DOCK8: variants seen among roughly 807,000 people sequenced by gnomAD.
The protein encoded by DOCK8 is dedicator of cytokinesis protein 8.
DOCK8 carries 141 observed loss-of-function variants against 245.6 expected under a neutral mutation model. That is an observed-to-expected ratio of 0.57 (90% CI 0.50 to 0.66). DOCK8 has a LOEUF of 0.66. Ranked by LOEUF, DOCK8 falls within the 30% of genes least tolerant of loss-of-function variation. The pLI is 0.00. For synonymous variants in DOCK8, 1,168 were observed against 970.2 expected (o/e 1.20, Z -3.79); for missense variants, 2,965 against 2,603.4 (o/e 1.14, Z -3.02).
intron 7 of DOCK8, among the ~76,000 whole-genome samples, chr9:322,787 C>G (rs2050574838): frequency 6.6e-6 from 1 of 152,144 alleles, no homozygotes; most frequent in African/African-American, 2.4e-5. Context: ...GCTGGTGAGC[C>G]TAGGCCCAGG....
chr9:246,902 C>T (rs1048453737), intron 1 of DOCK8, among the ~76,000 whole-genome samples: 1 of 152,126 alleles, frequency 6.6e-6, no homozygotes, highest in African/African-American at 2.4e-5. Context: ...AGGCACACAC[C>T]ACTGTGCCTG....
At chr9:216,080 A>AG (rs1301212778) in intron 1 of DOCK8, among the ~76,000 whole-genome samples, 37 of 152,340 alleles carry the variant, frequency 2.4e-4, no homozygotes, top group Admixed American at 2.0e-3. Context: ...GGTCTTCTAG[A>AG]GGGCATATCG....
At position 376,963 on chromosome 9, in the gene DOCK8, T is replaced by C; in HGVS notation, c.2206-14T>C. 3 of 1,611,810 alleles carry C rather than the reference T, an allele frequency of 1.9e-6. No individual in the cohort carries two copies. Among genetic ancestry groups the C allele is most frequent in the Non-Finnish European group, 2.5e-6 (3 of 1,178,712 alleles). ...GGTATAAAACCCCATGAGGCCTGCC[T>C]TCTCCCTTCGCAGGACAACCACCTG... On this transcript the variant is annotated splice_polypyrimidine_tract_variant and intron_variant, in intron 19 of 47. Coordinates refer to ENST00000432829, the MANE Select transcript of DOCK8 (RefSeq NM_203447.4).
At chr9:399,776 C>A (rs535129537) in intron 26 of DOCK8, among the ~76,000 whole-genome samples, 6 of 151,988 alleles carry the variant, frequency 3.9e-5, no homozygotes, top group Non-Finnish European at 8.8e-5. Flanking sequence ...AGTGCCATCC[C>A]CCCAGATTTT....
intron 12 of DOCK8, among the ~76,000 whole-genome samples, chr9:337,385 A>T (rs2051361668): frequency 6.6e-6 from 1 of 152,208 alleles, no homozygotes; most frequent in African/African-American, 2.4e-5. Context: ...TAGCTATTTT[A>T]ACTGAGAGAA....
At chr9:384,887 G>T (rs2053885508) in intron 22 of DOCK8, among the ~76,000 whole-genome samples, 1 of 152,180 alleles carries the variant, frequency 6.6e-6, no homozygotes, top group East Asian at 1.9e-4. Flanking sequence ...CCGCACTCCA[G>T]CCTGGGCAGC....
intron 1 of DOCK8, among the ~76,000 whole-genome samples, chr9:247,709 A>ATT (rs888105669): frequency 6.7e-6 from 1 of 149,908 alleles, no homozygotes; most frequent in Non-Finnish European, 1.5e-5. Context: ...AATTTTTTGT[A>ATT]TTTTTTTTTA....
intron 11 of DOCK8, among the ~76,000 whole-genome samples, chr9:335,283 AGG>A (rs1435178552): frequency 6.6e-6 from 1 of 152,082 alleles, no homozygotes; most frequent in South Asian, 2.1e-4. Flanking sequence ...AATTTTCAAA[AGG>A]GTTGCAAATT....
rs1004017208 is a variant in DOCK8, at chr9:272,993, A to T, written c.156+1264A>T. 3.1e-6 allele frequency: 3 copies of T among 979,682 alleles called. No individual in the cohort carries two copies. In the African/African-American group the frequency reaches 5.3e-5, roughly 17 times the overall value. 60.7% of individuals were successfully genotyped at this position (979,682 alleles called of 1,614,324 possible). ...CTTTTTGTTTCTACTTATTACTTCG[A>T]AACCACTTCTGCCTTAGAAATTTTG... On this transcript the variant is annotated intron_variant, in intron 2 of 47. Coordinates refer to ENST00000432829, the MANE Select transcript of DOCK8 (RefSeq NM_203447.4).
chr9:422,818 C>G (rs1202587421), intron 33 of DOCK8, among the ~76,000 whole-genome samples: 1 of 152,134 alleles, frequency 6.6e-6, no homozygotes, highest in East Asian at 1.9e-4. Context: ...AACCCCGTCT[C>G]TACAAAAAAT....
chr9:302,989 A>G lies in DOCK8; in HGVS notation c.405-1592A>G, dbSNP rs867378460. On this transcript the variant is annotated intron_variant, in intron 4 of 47. Transcript: ENST00000432829. ...CAAAACATCAAAATAAATGGAAAAA[A>G]AAAAAGAAAAAGAAAAAGAAAATTA... Among the ~76,000 whole-genome samples the G allele has an allele frequency of 2.0e-4, 31 of 152,008 alleles. 1 individual carries two copies. Among genetic ancestry groups the G allele is most frequent in the South Asian group, 1.9e-3 (9 of 4,824 alleles).
rs144814367 is a variant in DOCK8 at position 264,750 on chromosome 9, A to G, written c.54-6877A>G. ...TGCACTTTACTAAAAGCATCCAAGA[A>G]TGCATCTCAGAAAAAGCCTTAGATT... On this transcript the variant is annotated intron_variant, in intron 1 of 47. Transcript: ENST00000432829. Among the ~76,000 whole-genome samples the G allele has an allele frequency of 5.9e-5, 9 of 152,282 alleles. No individual in the cohort carries two copies. The East Asian group carries it at 1.7e-3, about 29-fold the overall frequency.
chr9:376,333 G>C, intron 19 of DOCK8, 28 bp downstream of exon 19: 1 of 1,505,990 alleles, frequency 6.6e-7, no homozygotes, highest in South Asian at 1.1e-5. Flanking sequence ...TAATCATGAA[G>C]GTAAAGGTGC....
chr9:371,582 C>A lies in DOCK8; in HGVS notation c.2007+16C>A. On this transcript the variant is annotated intron_variant, in intron 17 of 47. Coordinates refer to ENST00000432829, the MANE Select transcript of DOCK8 (RefSeq NM_203447.4). ...GGGATATTCAGTGAGTTGTTTCCAG[C>A]CTGCTGACTCACACTGCAGTTGTTG... 1 of 1,614,092 alleles carries A rather than the reference C, an allele frequency of 6.2e-7. No homozygotes were observed. The highest frequency in any genetic ancestry group is 8.5e-7 in the Non-Finnish European group (1 of 1,179,974).
In DOCK8 at chr9:304,659, G is replaced by A; in HGVS notation, c.483G>A (p.Gln161=). 6.2e-7 allele frequency: 1 copy of A among 1,614,170 alleles called. No homozygotes were observed. The highest frequency in any genetic ancestry group is 8.5e-7 in the Non-Finnish European group (1 of 1,180,030). The change falls in exon 5 of 48, where the codon CAG becomes CAA. Residue 161 remains glutamine (Q), a synonymous_variant. Coordinates refer to ENST00000432829, the MANE Select transcript of DOCK8 (RefSeq NM_203447.4). ...RKDFHKTLPK[Q]TFESETLECS... ...ATTTTCACAAGACGCTTCCGAAACA[G>A]ACGTTTGAGTCGGAAACCTTGGAGT...
intron 4 of DOCK8, among the ~76,000 whole-genome samples, chr9:300,307 C>G (rs75486713): frequency 2.0e-5 from 3 of 152,160 alleles, no homozygotes; most frequent in Admixed American, 6.5e-5. Context: ...AGCTCTCTTA[C>G]ATTTCTTACT....
chr9:373,190 T>TA (rs2131229029), intron 18 of DOCK8, among the ~76,000 whole-genome samples: 1 of 151,904 alleles, frequency 6.6e-6, no homozygotes, highest in East Asian at 1.9e-4. Flanking sequence ...AAAAAATAAA[T>TA]AAAGGGAGCC....
chr9:250,722 A>G (rs2047624583), intron 1 of DOCK8, among the ~76,000 whole-genome samples: 1 of 152,250 alleles, frequency 6.6e-6, no homozygotes, highest in African/African-American at 2.4e-5. Flanking sequence ...TAGTATGTGT[A>G]TAATCCCAGG....
At chr9:377,286 T>C in intron 20 of DOCK8, 75 bp downstream of exon 20, 1 of 1,357,898 alleles carries the variant, frequency 7.4e-7, no homozygotes, top group South Asian at 1.3e-5. Flanking sequence ...AAAATGACTT[T>C]CCAGAAATCC....
Sources: gnomAD v4.1 joint callset for allele counts (sites outside exome capture counted in the v4.1 genomes callset) on GRCh38, gnomAD v4.1.1 for gene constraint, MANE v1.5 for transcripts, NCBI Gene and HGNC (gene_info 2026-07-23, HGNC 2026-07-21) for gene names.